The following SLC37A3 variants were observed in gnomAD, a reference collection of about 807,000 sequenced individuals.
SLC37A3 encodes the protein sugar phosphate exchanger 3.
Under a neutral mutation model 67.1 loss-of-function variants are expected in SLC37A3, and 51 were observed. The observed-to-expected ratio is 0.76, with a 90% CI of 0.61 to 0.96. The LOEUF is 0.96. SLC37A3 is among the 40% of genes least tolerant of loss of function. The probability of loss-of-function intolerance (pLI) is 0.00; values close to 1 mark genes in which losing one functional copy is unlikely to be tolerated. For synonymous variants in SLC37A3, 214 were observed against 231.4 expected, an observed-to-expected ratio of 0.92 and a Z score of 0.68; for missense variants, 508 against 603.0, an observed-to-expected ratio of 0.84 and a Z score of 1.65.
intron 5 of SLC37A3, among the ~76,000 whole-genome samples, chr7:140,359,494 G>A (rs939900338): frequency 6.6e-6 from 1 of 152,216 alleles, no homozygotes; most frequent in Non-Finnish European, 1.5e-5. Flanking sequence ...GCAGTGCCAG[G>A]TGCTGCTATG....
At chr7:140,342,013 G>T (rs1475663733) in intron 13 of SLC37A3, among the ~76,000 whole-genome samples, 1 of 152,102 alleles carries the variant, frequency 6.6e-6, no homozygotes, top group Non-Finnish European at 1.5e-5. Flanking sequence ...AATCAAATAT[G>T]CCAAGCATAT....
intron 10 of SLC37A3, among the ~76,000 whole-genome samples, chr7:140,346,798 G>A (rs907443992): frequency 6.6e-6 from 1 of 152,186 alleles, no homozygotes; most frequent in African/African-American, 2.4e-5. Flanking sequence ...GGAGGCTGAG[G>A]TAGGAGGATG....
chr7:140,358,875 C>T (rs1797146717), intron 5 of SLC37A3, 90 bp from the exon 6 acceptor site: 2 of 1,486,402 alleles, frequency 1.3e-6, no homozygotes, highest in South Asian at 2.4e-5. Context: ...AGAGTAGAGA[C>T]CACGTGAAGG....
chr7:140,355,136 A>AT (rs553308842), intron 7 of SLC37A3, among the ~76,000 whole-genome samples: 77 of 151,964 alleles, frequency 5.1e-4, no homozygotes, highest in Non-Finnish European at 1.1e-3. Context: ...GTTACGAATA[A>AT]TTTTTTATGT....
At chr7:140,357,852 G>A (rs538852265) in intron 6 of SLC37A3, among the ~76,000 whole-genome samples, 31 of 151,812 alleles carry the variant, frequency 2.0e-4, no homozygotes, top group African/African-American at 7.2e-4. Context: ...GGGAGGCGGA[G>A]GTTGCAGTGA....
intron 6 of SLC37A3, 24 bp downstream of exon 6, chr7:140,358,616 T>G (rs148716797): frequency 5.0e-6 from 8 of 1,612,696 alleles, no homozygotes; most frequent in South Asian, 1.1e-5. Flanking sequence ...AACAGAGAAA[T>G]TAGAGAGGAA....
At chr7:140,347,106 C>CAAA (rs1404069475) in intron 10 of SLC37A3, among the ~76,000 whole-genome samples, 1 of 151,564 alleles carries the variant, frequency 6.6e-6, no homozygotes, top group Non-Finnish European at 1.5e-5. Flanking sequence ...ACAAAAAATA[C>CAAA]AAAAAAATTA....
intron 1 of SLC37A3, among the ~76,000 whole-genome samples, chr7:140,383,290 G>A (rs930730368): frequency 6.6e-6 from 1 of 151,390 alleles, no homozygotes; most frequent in African/African-American, 2.4e-5. Flanking sequence ...ACAAAGTGTT[G>A]GAGGAGATTT....
chr7:140,371,996 C>T (rs1040391047), intron 3 of SLC37A3, among the ~76,000 whole-genome samples: 2 of 151,994 alleles, frequency 1.3e-5, no homozygotes, highest in East Asian at 3.9e-4. Flanking sequence ...GGATTACAGG[C>T]GCCCACCACA....
At chr7:140,337,155 TA>T (rs1471303386) in intron 14 of SLC37A3, 128 bp downstream of exon 14, 2 of 463,048 alleles carry the variant, frequency 4.3e-6, no homozygotes, top group Non-Finnish European at 7.4e-6. Context: ...TTTAGACTAA[TA>T]AAATGTTACT....
At chr7:140,368,118 C>G (rs1797677585) in intron 4 of SLC37A3, among the ~76,000 whole-genome samples, 1 of 151,914 alleles carries the variant, frequency 6.6e-6, no homozygotes, top group South Asian at 2.1e-4. Flanking sequence ...CCAGCCCCAC[C>G]TTTCTTACCA....
chr7:140,386,667 T>A (rs982446090), intron 1 of SLC37A3: 1 of 152,152 alleles, frequency 6.6e-6, no homozygotes, highest in Non-Finnish European at 1.5e-5. Context: ...TATGTGTAAA[T>A]GCTGTTATAA....
chr7:140,387,778 TA>T (rs373588142), intron 1 of SLC37A3, among the ~76,000 whole-genome samples: 3,885 of 7,794 alleles, frequency 0.5, 422 homozygotes, highest in East Asian at 0.58. Flanking sequence ...ATATTATACA[TA>T]AATATAAATA....
chr7:140,362,841 G>A (rs1797407053), intron 5 of SLC37A3, among the ~76,000 whole-genome samples: 1 of 73,024 alleles, frequency 1.4e-5, no homozygotes, highest in African/African-American at 5.1e-5. Flanking sequence ...CTGCCCGGCC[G>A]CCCCTACTGG....
At chr7:140,379,300 C>T (rs1585350068) in intron 3 of SLC37A3, 1 of 151,786 alleles carries the variant, frequency 6.6e-6, no homozygotes. Flanking sequence ...GGTGAAACCC[C>T]GTCTCTACTA....
chr7:140,384,942 AAACCTT>A (rs1253721369), intron 1 of SLC37A3, among the ~76,000 whole-genome samples: 1 of 152,150 alleles, frequency 6.6e-6, no homozygotes, highest in African/African-American at 2.4e-5. Flanking sequence ...AGATGCACCC[AAACCTT>A]AAAGACTAAG....
rs1276329410 is a variant in SLC37A3, at chr7:140,334,998, A to G, written c.*414T>C. Reference sequence around the variant, plus strand: ...AAAGCAAAATGCAATGATCTCTTCCATTTGTGGAACATACCACCAACACAA... The same window carrying G: ...AAAGCAAAATGCAATGATCTCTTCCGTTTGTGGAACATACCACCAACACAA... On this transcript the variant is annotated 3_prime_UTR_variant, in exon 15 of 15. Coordinates refer to ENST00000326232, the MANE Select transcript of SLC37A3 (RefSeq NM_207113.3). The G allele has an allele frequency of 2.1e-6, 1 of 468,906 alleles. No individual in the cohort carries two copies. Among genetic ancestry groups the G allele is most frequent in the Non-Finnish European group, 3.9e-6 (1 of 256,596 alleles). 29.0% of individuals were successfully genotyped at this position (468,906 alleles called of 1,614,324 possible).
chr7:140,357,024 C>T (rs1053290414), intron 6 of SLC37A3, among the ~76,000 whole-genome samples: 2 of 151,802 alleles, frequency 1.3e-5, no homozygotes, highest in African/African-American at 2.4e-5. Context: ...ACCAGCCTGG[C>T]CAACATGGAG....
rs200457395 is a variant in SLC37A3, at chr7:140,348,649, C to G, written c.1001G>C (p.Trp334Ser). Residue 334 changes from tryptophan (W) to serine (S), a missense_variant, in exon 10 of 15, where the codon TGG becomes TCG. By Grantham distance (177) the Trp-to-Ser change is radical (BLOSUM62 -3). Coordinates refer to ENST00000326232, the MANE Select transcript of SLC37A3 (RefSeq NM_207113.3). ...ACCTATGATCCCTCCAACGTCGTAC[C>G]AAATGGACAGCTTGTCGGCTTCCGC... ...KEAEADKLSI[W>S]YDVGGIIGGT... 2 of 1,613,938 alleles carry G rather than the reference C, an allele frequency of 1.2e-6. No homozygotes were observed. The highest frequency in any genetic ancestry group is 1.7e-6 in the Non-Finnish European group (2 of 1,179,978).
Sources: allele counts gnomAD v4.1 joint callset (sites outside exome capture counted in the v4.1 genomes callset), GRCh38; gene constraint gnomAD v4.1.1; transcripts MANE v1.5; gene names NCBI Gene and HGNC (gene_info 2026-07-23, HGNC 2026-07-21).